Variants in CADPS2 observed in about 807,000 individuals in gnomAD.
The protein encoded by CADPS2 is calcium-dependent secretion activator 2.
A neutral mutation model predicts 172.5 loss-of-function variants in CADPS2; 93 were observed. The ratio of observed to expected loss-of-function variants is 0.54; its 90% CI spans 0.46 to 0.64. The LOEUF (loss-of-function observed/expected upper bound fraction) is 0.64. Among genes scored for constraint, CADPS2 ranks in the 30% least tolerant of loss-of-function variants. The pLI, the probability that CADPS2 is intolerant of heterozygous loss-of-function variation, is 0.00. For synonymous variants in CADPS2, 546 were observed against 555.2 expected, an observed-to-expected ratio of 0.98 and a Z score of 0.23; for missense variants, 1,420 against 1,565.9, an observed-to-expected ratio of 0.91 and a Z score of 1.57.
At chr7:122,494,444 G>A (rs929155910) in intron 9 of CADPS2, among the ~76,000 whole-genome samples, 2 of 151,992 alleles carry the variant, frequency 1.3e-5, no homozygotes, top group African/African-American at 4.8e-5. Context: ...AGACGTGACA[G>A]ATTTTTTTCT....
chr7:122,652,762 T>A (rs2079303818), intron 3 of CADPS2, among the ~76,000 whole-genome samples: 1 of 152,200 alleles, frequency 6.6e-6, no homozygotes. Flanking sequence ...AGTATGAAAT[T>A]TTATTAGCAC....
At chr7:122,492,715 T>C (rs2058404966) in intron 9 of CADPS2, among the ~76,000 whole-genome samples, 1 of 152,124 alleles carries the variant, frequency 6.6e-6, no homozygotes, top group Admixed American at 6.5e-5. Flanking sequence ...TTTTTTCTTT[T>C]TTGAGACAGG....
chr7:122,359,324 A>G (rs761701014), intron 27 of CADPS2, among the ~76,000 whole-genome samples: 2 of 152,106 alleles, frequency 1.3e-5, no homozygotes, highest in Admixed American at 6.5e-5. Context: ...AGGCTGCCAT[A>G]TGGTCATCCT....
chr7:122,615,055 A>C (rs1396141016), intron 6 of CADPS2, 126 bp downstream of exon 6: 6 of 490,452 alleles, frequency 1.2e-5, no homozygotes, highest in Non-Finnish European at 2.2e-5. Context: ...CATTTGAGAC[A>C]AAGTTAGCCA....
intron 8 of CADPS2, among the ~76,000 whole-genome samples, chr7:122,528,043 A>G (rs1258820153): frequency 6.6e-6 from 1 of 150,854 alleles, no homozygotes; most frequent in Non-Finnish European, 1.5e-5. Flanking sequence ...GTCATTACAA[A>G]AATCTGCTGC....
chr7:122,392,378 G>A (rs2044481114), intron 22 of CADPS2, among the ~76,000 whole-genome samples: 1 of 151,232 alleles, frequency 6.6e-6, no homozygotes, highest in South Asian at 2.1e-4. Flanking sequence ...CCTAGGATAT[G>A]CCTCAATACA....
Position 122,491,375 on chromosome 7 carries a change from A to G in CADPS2, c.1588T>C (p.Ser530Pro), listed in dbSNP as rs760832599. The G allele has an allele frequency of 4.3e-6, 7 of 1,611,884 alleles. No homozygotes were observed. The highest frequency in any genetic ancestry group is 1.1e-5 in the South Asian group (1 of 90,712). ...FAMCSYREKKSEPQELMQLEG... is the reference protein window; with the variant it reads ...FAMCSYREKKPEPQELMQLEG... ...AGCTGCATTAATTCTTGTGGTTCAG[A>G]CTTCTTTTCTCTATAACTGCACATA... Residue 530 changes from serine to proline, a missense_variant, in exon 10 of 30, where the codon TCT (serine) becomes CCT (proline). By Grantham distance (74) the Ser-to-Pro change is moderately conservative. Coordinates refer to ENST00000449022, the MANE Select transcript of CADPS2 (RefSeq NM_017954.11).
At chr7:122,626,725 C>G (rs142979446) in intron 4 of CADPS2, among the ~76,000 whole-genome samples, 1 of 152,272 alleles carries the variant, frequency 6.6e-6, no homozygotes, top group African/African-American at 2.4e-5. Flanking sequence ...TCCCAAGTAG[C>G]TAAGACTGCA....
chr7:122,851,272 G>A (rs118161134), intron 1 of CADPS2, among the ~76,000 whole-genome samples: 3,688 of 152,208 alleles, frequency 0.024, 78 homozygotes, highest in Non-Finnish European at 0.04. Flanking sequence ...CCCCAGGGAT[G>A]TTCAACTGGG....
chr7:122,548,116 T>G (rs1587122430), intron 8 of CADPS2, among the ~76,000 whole-genome samples: 1 of 152,146 alleles, frequency 6.6e-6, no homozygotes. Flanking sequence ...ACTTGTAATC[T>G]CAGCACTTTG....
intron 8 of CADPS2, among the ~76,000 whole-genome samples, chr7:122,532,927 G>A (rs2061907153): frequency 6.6e-6 from 1 of 152,004 alleles, no homozygotes; most frequent in Non-Finnish European, 1.5e-5. Flanking sequence ...CACTGGGATA[G>A]GGTTATGCGA....
chr7:122,648,777 G>A (rs1226714097), intron 3 of CADPS2, among the ~76,000 whole-genome samples: 1 of 152,138 alleles, frequency 6.6e-6, no homozygotes, highest in African/African-American at 2.4e-5. Flanking sequence ...ACAGAGTGCA[G>A]ACCCAAGAGG....
chr7:122,815,165 C>A (rs1017198763), intron 1 of CADPS2, among the ~76,000 whole-genome samples: 6 of 152,054 alleles, frequency 3.9e-5, no homozygotes, highest in African/African-American at 1.4e-4. Context: ...GTGGTTTGAG[C>A]GTGTTACTCC....
chr7:122,561,989 G>C (rs1339417783), intron 7 of CADPS2, among the ~76,000 whole-genome samples: 2 of 152,134 alleles, frequency 1.3e-5, no homozygotes, highest in African/African-American at 2.4e-5. Context: ...ATACTTCACT[G>C]TGGTGAAAAG....
intron 1 of CADPS2, among the ~76,000 whole-genome samples, chr7:122,762,079 TAA>T (rs1314528978): frequency 1.4e-5 from 2 of 146,906 alleles, no homozygotes; most frequent in Non-Finnish European, 3.0e-5. Context: ...TGTGTATATA[TAA>T]AAGTGTATAT....
At chr7:122,465,136 A>G (rs777945866) in intron 14 of CADPS2, among the ~76,000 whole-genome samples, 4 of 152,222 alleles carry the variant, frequency 2.6e-5, no homozygotes, top group Non-Finnish European at 5.9e-5. Flanking sequence ...GAAGGTAAAA[A>G]TGAACAATAT....
intron 1 of CADPS2, among the ~76,000 whole-genome samples, chr7:122,752,029 A>T (rs1231713867): frequency 1.3e-5 from 2 of 151,022 alleles, no homozygotes; most frequent in Admixed American, 1.3e-4. Flanking sequence ...TATAGGAGAA[A>T]CTTGAATTCA....
chr7:122,356,654 A>G (rs1049708159), intron 27 of CADPS2, among the ~76,000 whole-genome samples: 2 of 152,066 alleles, frequency 1.3e-5, no homozygotes, highest in Admixed American at 1.3e-4. Context: ...CCCATTATGT[A>G]CTTCAATATT....
chr7:122,338,083 C>T (rs1216739840), intron 28 of CADPS2, among the ~76,000 whole-genome samples: 1 of 152,164 alleles, frequency 6.6e-6, no homozygotes, highest in Non-Finnish European at 1.5e-5. Flanking sequence ...CTGAGGTACA[C>T]AACACAACAA....
Sources: allele counts gnomAD v4.1 joint callset (sites outside exome capture counted in the v4.1 genomes callset), GRCh38; gene constraint gnomAD v4.1.1; transcripts MANE v1.5; gene names NCBI Gene and HGNC (gene_info 2026-07-23, HGNC 2026-07-21).